Variants in AOAH observed in about 807,000 individuals in gnomAD.
The protein encoded by AOAH is acyloxyacyl hydrolase, also known as acyloxyacyl hydrolase (neutrophil).
In AOAH, 64 loss-of-function variants were observed where a neutral mutation model predicts 92.2. The ratio of observed to expected loss-of-function variants is 0.69; its 90% CI spans 0.57 to 0.86. The LOEUF is 0.86. AOAH is among the 40% of genes least tolerant of loss of function. The pLI is 0.00. For missense variants in AOAH, 656 were observed against 694.6 expected (o/e 0.94, Z 0.62); for synonymous variants, 263 against 254.5 (o/e 1.03, Z -0.32).
chr7:36,569,567 A>C (rs1005451110), intron 13 of AOAH, among the ~76,000 whole-genome samples: 6 of 143,286 alleles, frequency 4.2e-5, no homozygotes, highest in Admixed American at 7.1e-5. Context: ...CCAGATTTAC[A>C]TATCTATCTA....
At chr7:36,590,996 A>G (rs1232634781) in intron 12 of AOAH, among the ~76,000 whole-genome samples, 1 of 152,226 alleles carries the variant, frequency 6.6e-6, no homozygotes, top group African/African-American at 2.4e-5. Flanking sequence ...TACTGCTGGG[A>G]GGGACATAGC....
At chr7:36,685,807 G>T (rs1796966110) in intron 2 of AOAH, among the ~76,000 whole-genome samples, 1 of 152,152 alleles carries the variant, frequency 6.6e-6, no homozygotes, top group African/African-American at 2.4e-5. Flanking sequence ...AAACACTTGT[G>T]TTTGTGTATT....
At chr7:36,613,989 CTGTT>C (rs1278220464) in intron 11 of AOAH, among the ~76,000 whole-genome samples, 1 of 152,144 alleles carries the variant, frequency 6.6e-6, no homozygotes, top group Non-Finnish European at 1.5e-5. Flanking sequence ...CAACCAGAGA[CTGTT>C]TGAGTTCATG....
chr7:36,644,911 GA>G (rs1171477630), intron 4 of AOAH, among the ~76,000 whole-genome samples: 1 of 150,282 alleles, frequency 6.7e-6, no homozygotes, highest in Non-Finnish European at 1.5e-5. Flanking sequence ...ATGCATGAAT[GA>G]GGGGGGAGGT....
intron 4 of AOAH, among the ~76,000 whole-genome samples, chr7:36,654,942 A>T (rs1236458462): frequency 6.6e-6 from 1 of 152,254 alleles, no homozygotes; most frequent in Non-Finnish European, 1.5e-5. Flanking sequence ...CTGTAAAATA[A>T]ATATGGACCT....
At chr7:36,659,453 C>T (rs1213635883) in intron 3 of AOAH, among the ~76,000 whole-genome samples, 188 bp from the exon 4 acceptor site, 1 of 152,178 alleles carries the variant, frequency 6.6e-6, no homozygotes, top group Non-Finnish European at 1.5e-5. Flanking sequence ...TTGCTCTCTC[C>T]TGCATTTAGA....
intron 13 of AOAH, among the ~76,000 whole-genome samples, chr7:36,556,217 A>G (rs1786698599): frequency 2.6e-5 from 4 of 152,008 alleles, no homozygotes; most frequent in Admixed American, 2.6e-4. Flanking sequence ...GAACATCTTT[A>G]TTTCTGCCTT....
At chr7:36,562,154 C>T (rs1051362067) in intron 13 of AOAH, among the ~76,000 whole-genome samples, 1 of 152,170 alleles carries the variant, frequency 6.6e-6, no homozygotes, top group Non-Finnish European at 1.5e-5. Flanking sequence ...TCTCATGTCA[C>T]TGTTTCTTGT....
chr7:36,693,929 T>C (rs1797557169), intron 1 of AOAH, among the ~76,000 whole-genome samples: 1 of 152,208 alleles, frequency 6.6e-6, no homozygotes, highest in Admixed American at 6.5e-5. Flanking sequence ...GGACCTTTGA[T>C]ATAGCAATGT....
At chr7:36,560,860 T>C (rs907449461) in intron 13 of AOAH, among the ~76,000 whole-genome samples, 2 of 152,194 alleles carry the variant, frequency 1.3e-5, no homozygotes, top group Non-Finnish European at 2.9e-5. Flanking sequence ...CACATAGCCA[T>C]ATAAATTAGG....
At chr7:36,650,330 C>A (rs935247987) in intron 4 of AOAH, among the ~76,000 whole-genome samples, 1 of 152,070 alleles carries the variant, frequency 6.6e-6, no homozygotes, top group Admixed American at 6.5e-5. Context: ...GACTGGAAAC[C>A]CAATAGCTGA....
intron 4 of AOAH, among the ~76,000 whole-genome samples, chr7:36,638,961 C>A (rs568229505): frequency 6.6e-6 from 1 of 152,206 alleles, no homozygotes; most frequent in Admixed American, 6.5e-5. Context: ...CTTGGACTCT[C>A]CCAGGCCTCC....
At chr7:36,647,103 C>G (rs997050119) in intron 4 of AOAH, among the ~76,000 whole-genome samples, 2 of 152,212 alleles carry the variant, frequency 1.3e-5, no homozygotes, top group African/African-American at 4.8e-5. Flanking sequence ...AATAAAACAG[C>G]CAGACTGTCT....
chr7:36,684,906 C>CAAAAA (rs57827044), intron 2 of AOAH, among the ~76,000 whole-genome samples: 18 of 60,012 alleles, frequency 3.0e-4, no homozygotes, highest in Non-Finnish European at 4.3e-4. Flanking sequence ...GACCTTGTCT[C>CAAAAA]AAAAAAAAAA....
chr7:36,538,457 A>T (rs1314510120), intron 16 of AOAH, among the ~76,000 whole-genome samples: 1 of 152,202 alleles, frequency 6.6e-6, no homozygotes, highest in Admixed American at 6.5e-5. Flanking sequence ...TGCATGGCAT[A>T]TCGGAAAGAA....
intron 2 of AOAH, among the ~76,000 whole-genome samples, chr7:36,679,173 T>C (rs985856537): frequency 6.6e-6 from 1 of 152,096 alleles, no homozygotes. Flanking sequence ...ATGTTTACCA[T>C]CACTTCCTTT....
intron 12 of AOAH, among the ~76,000 whole-genome samples, chr7:36,587,768 AT>A (rs1789454168): frequency 6.6e-6 from 1 of 152,188 alleles, no homozygotes; most frequent in African/African-American, 2.4e-5. Flanking sequence ...AAATTTTATG[AT>A]TTTCAAACAA....
At chr7:36,635,470 C>T (rs1239308943) in intron 5 of AOAH, among the ~76,000 whole-genome samples, 3 of 152,134 alleles carry the variant, frequency 2.0e-5, no homozygotes, top group African/African-American at 7.2e-5. Flanking sequence ...TGGCAAAGTG[C>T]TTTTCAACCC....
At chr7:36,656,923 G>C (rs1387204629) in intron 4 of AOAH, among the ~76,000 whole-genome samples, 1 of 150,960 alleles carries the variant, frequency 6.6e-6, no homozygotes, top group African/African-American at 2.4e-5. Context: ...GGGGCAGTTT[G>C]TCCCTAACAG....
Sources: allele counts gnomAD v4.1 joint callset (sites outside exome capture counted in the v4.1 genomes callset), GRCh38; gene constraint gnomAD v4.1.1; transcripts MANE v1.5; gene names NCBI Gene and HGNC (gene_info 2026-07-23, HGNC 2026-07-21).